KDM6A: variants seen among roughly 807,000 people sequenced by gnomAD.
The protein encoded by KDM6A is lysine-specific demethylase 6A.
In KDM6A, 11 loss-of-function variants were observed where a neutral mutation model predicts 117.6. That is an observed-to-expected ratio of 0.09 (90% CI 0.06 to 0.15). The LOEUF (loss-of-function observed/expected upper bound fraction) is 0.15, where lower values mean the gene tolerates loss of function less well. Ranked by LOEUF, KDM6A falls within the 10% of genes least tolerant of loss-of-function variation. The probability of loss-of-function intolerance (pLI) is 1.00; values close to 1 mark genes in which losing one functional copy is unlikely to be tolerated. For synonymous variants in KDM6A, 384 were observed against 396.1 expected (o/e 0.97, Z 0.36); for missense variants, 799 against 1,077.3 (o/e 0.74, Z 3.62).
At chrX:44,947,202 A>G (rs1206972217) in intron 2 of KDM6A, among the ~76,000 whole-genome samples, 1 of 110,748 alleles carries the variant, frequency 9.0e-6, no homozygotes, top group East Asian at 2.8e-4. Context: ...GTTTTTGAAT[A>G]TAAAGACTTT....
intron 4 of KDM6A, among the ~76,000 whole-genome samples, chrX:45,010,062 A>C (rs1379040739): frequency 8.9e-6 from 1 of 112,409 alleles, no homozygotes; most frequent in Non-Finnish European, 1.9e-5. Flanking sequence ...TTGTTCACAC[A>C]GATCAGTATG....
intron 27 of KDM6A, among the ~76,000 whole-genome samples, chrX:45,103,367 A>G (rs1477371155): frequency 9.0e-6 from 1 of 110,944 alleles, no homozygotes; most frequent in African/African-American, 3.3e-5. Context: ...TTTCCTGTTC[A>G]TAATCAATTA....
chrX:44,895,685 T>C (rs955070823), intron 2 of KDM6A, among the ~76,000 whole-genome samples: 2 of 109,733 alleles, frequency 1.8e-5, no homozygotes, highest in Non-Finnish European at 3.8e-5. Flanking sequence ...CACATACTTT[T>C]GTATTTGTAT....
intron 2 of KDM6A, among the ~76,000 whole-genome samples, chrX:44,880,999 C>G (rs2032234352): frequency 9.0e-6 from 1 of 111,451 alleles, no homozygotes; most frequent in Admixed American, 9.5e-5. Flanking sequence ...AGAGATGTAC[C>G]CAATTAGGTC....
At position 44,964,312 on chromosome X, in the gene KDM6A, G is replaced by A. The variant is rs746779294; in HGVS notation, c.334+2920G>A. Among the ~76,000 whole-genome samples the A allele has an allele frequency of 2.1e-3, 227 of 107,658 alleles. 1 individual carries two copies. The highest frequency in any genetic ancestry group is 0.014 in the Middle Eastern group (3 of 209). 93.5% of individuals were successfully genotyped at this position (107,658 alleles called of 115,157 possible). A position where few individuals can be genotyped will look rare whatever the true frequency, so the allele number is the denominator to read the frequency against. ...AAAAATACAAAAATTGGCTGGGTGC[G>A]GTGGTGTGTGCCTGTATTCCCAGCT... is the stretch of plus-strand genomic sequence containing the variant. On this transcript the variant is annotated intron_variant, in intron 3 of 29. Transcript: ENST00000611820.
chrX:44,901,387 T>G (rs1299836952), intron 2 of KDM6A, among the ~76,000 whole-genome samples: 2 of 110,511 alleles, frequency 1.8e-5, no homozygotes, highest in Non-Finnish European at 3.8e-5. Context: ...TACGGGGACT[T>G]GTTTTAGTGG....
At position 45,111,636 on chromosome X, in the gene KDM6A, T is replaced by G; in HGVS notation, c.*225T>G. The G allele has an allele frequency of 2.6e-6, 1 of 384,600 alleles. No individual in the cohort carries two copies. Among genetic ancestry groups the G allele is most frequent in the East Asian group, 3.9e-5 (1 of 25,559 alleles). The allele number at this position is 384,600 out of a possible 1,213,427, so 31.7% of individuals were successfully genotyped here. A position where few individuals can be genotyped will look rare whatever the true frequency, so the allele number is the denominator to read the frequency against. On this transcript the variant is annotated 3_prime_UTR_variant, in exon 30 of 30. Coordinates refer to ENST00000611820, the MANE Select transcript of KDM6A (RefSeq NM_001291415.2). ...TGTACTTCAGAAAAAAATAATAATTTCCATGTTTTGTATATATCTGACAAA... is the reference window on the plus strand; with the variant it reads ...TGTACTTCAGAAAAAAATAATAATTGCCATGTTTTGTATATATCTGACAAA...
At chrX:44,990,160 G>C (rs1362396228) in intron 4 of KDM6A, among the ~76,000 whole-genome samples, 1 of 112,039 alleles carries the variant, frequency 8.9e-6, no homozygotes, top group East Asian at 2.8e-4. Context: ...TGTGAAATAC[G>C]ATAGTGCTGG....
At chrX:45,025,051 C>G (rs1405354782) in intron 6 of KDM6A, among the ~76,000 whole-genome samples, 2 of 112,445 alleles carry the variant, frequency 1.8e-5, no homozygotes, top group Admixed American at 1.9e-4. Context: ...TTAATATTAT[C>G]TGAACCAGAG....
chrX:45,042,910 G>A (rs1328434250), intron 8 of KDM6A, among the ~76,000 whole-genome samples: 1 of 112,856 alleles, frequency 8.9e-6, no homozygotes, highest in Non-Finnish European at 1.9e-5. Context: ...CTAAAGTTAT[G>A]GAATACCACT....
At chrX:45,012,685 G>A (rs1378674685) in intron 5 of KDM6A, among the ~76,000 whole-genome samples, 5 of 111,507 alleles carry the variant, frequency 4.5e-5, no homozygotes, top group Non-Finnish European at 9.4e-5. Context: ...CATATGCATT[G>A]ACAGTGATTT....
At chrX:44,978,682 G>T (rs1186924565) in intron 4 of KDM6A, among the ~76,000 whole-genome samples, 1 of 111,879 alleles carries the variant, frequency 8.9e-6, no homozygotes, top group South Asian at 3.7e-4. Context: ...TTAAATAGTT[G>T]TATAACCATT....
At chrX:44,988,778 T>G (rs1240168489) in intron 4 of KDM6A, among the ~76,000 whole-genome samples, 1 of 110,617 alleles carries the variant, frequency 9.0e-6, no homozygotes, top group Non-Finnish European at 1.9e-5. Context: ...AAGTTTTGTC[T>G]CACAGGAGTA....
At chrX:44,914,065 G>A (rs2035393499) in intron 2 of KDM6A, among the ~76,000 whole-genome samples, 2 of 112,059 alleles carry the variant, frequency 1.8e-5, no homozygotes, top group African/African-American at 6.5e-5. Flanking sequence ...CCTTTGTTTG[G>A]TGTGCTCTCC....
At position 45,111,961 on chromosome X, in the gene KDM6A, A is replaced by G. The variant is rs2046781713; in HGVS notation, c.*550A>G. 5.9e-6 allele frequency: 1 copy of G among 169,754 alleles called. No individual in the cohort carries two copies. Among genetic ancestry groups the G allele is most frequent in the Non-Finnish European group, 1.1e-5 (1 of 88,768 alleles). 14.0% of individuals were successfully genotyped at this position (169,754 alleles called of 1,213,427 possible). Reference sequence around the variant, plus strand: ...TTGGTTCCTAAATAAAATTTAAAAAATTAACAGCCAAGTCACAAAGGTAAT... The same window carrying G: ...TTGGTTCCTAAATAAAATTTAAAAAGTTAACAGCCAAGTCACAAAGGTAAT... On this transcript the variant is annotated 3_prime_UTR_variant, in exon 30 of 30. Coordinates refer to ENST00000611820, the MANE Select transcript of KDM6A (RefSeq NM_001291415.2).
chrX:44,889,187 G>A (rs543840689), intron 2 of KDM6A, among the ~76,000 whole-genome samples: 1 of 111,472 alleles, frequency 9.0e-6, no homozygotes, highest in Middle Eastern at 4.6e-3. Context: ...GCTAATTTTT[G>A]TAATTTTAGT....
At chrX:45,031,190 C>G (rs963005020) in intron 6 of KDM6A, among the ~76,000 whole-genome samples, 1 of 111,846 alleles carries the variant, frequency 8.9e-6, no homozygotes, top group African/African-American at 3.3e-5. Context: ...TCTTACTTTC[C>G]TCATCTATAT....
intron 4 of KDM6A, 85 bp downstream of exon 4, chrX:44,974,800 C>CTT (rs200529431): frequency 1.5e-5 from 10 of 685,244 alleles, no homozygotes; most frequent in African/African-American, 1.1e-4. Context: ...TGAGCTCTTG[C>CTT]TTTTTTTTGT....
chrX:44,984,593 G>A (rs2040099163), intron 4 of KDM6A, among the ~76,000 whole-genome samples: 1 of 111,604 alleles, frequency 9.0e-6, no homozygotes, highest in South Asian at 3.7e-4. Flanking sequence ...TTTGTATAAG[G>A]TGTAAGGAAG....
Sources: allele counts gnomAD v4.1 joint callset (sites outside exome capture counted in the v4.1 genomes callset), GRCh38; gene constraint gnomAD v4.1.1; transcripts MANE v1.5; gene names NCBI Gene and HGNC (gene_info 2026-07-23, HGNC 2026-07-21).